WWC2: variants seen among roughly 807,000 people sequenced by gnomAD.
WWC2 encodes the protein protein WWC2.
WWC2 carries 101 observed loss-of-function variants against 138.5 expected under a neutral mutation model. The ratio of observed to expected loss-of-function variants is 0.73; its 90% CI spans 0.62 to 0.86. WWC2 has a LOEUF of 0.86. Among genes scored for constraint, WWC2 ranks in the 40% least tolerant of loss-of-function variants. WWC2 has a pLI of 0.00. For missense variants in WWC2, 1,420 were observed against 1,419.4 expected, an observed-to-expected ratio of 1.00 and a Z score of -0.01; for synonymous variants, 558 against 538.4, an observed-to-expected ratio of 1.04 and a Z score of -0.50.
chr4:183,133,421 G>A (rs545489208), intron 1 of WWC2, among the ~76,000 whole-genome samples: 1 of 152,080 alleles, frequency 6.6e-6, no homozygotes, highest in Non-Finnish European at 1.5e-5. Flanking sequence ...TGCCAGTTAA[G>A]TGTTCTGATT....
intron 21 of WWC2, among the ~76,000 whole-genome samples, chr4:183,294,168 G>A (rs1218586305): frequency 6.6e-6 from 1 of 152,082 alleles, no homozygotes. Flanking sequence ...TACAAAAACA[G>A]GGCAGGCCAT....
intron 1 of WWC2, among the ~76,000 whole-genome samples, chr4:183,113,134 G>T (rs1039714073): frequency 5.9e-5 from 9 of 151,852 alleles, no homozygotes; most frequent in Non-Finnish European, 1.2e-4. Flanking sequence ...TTAGCCAGGC[G>T]TGGGGTGCAT....
intron 1 of WWC2, among the ~76,000 whole-genome samples, chr4:183,176,376 T>C (rs1383943877): frequency 1.3e-5 from 2 of 152,174 alleles, no homozygotes; most frequent in African/African-American, 2.4e-5. Context: ...TCTTTCAGTT[T>C]GTCTTTTAGT....
chr4:183,128,058 A>G (rs1732812314), intron 1 of WWC2, among the ~76,000 whole-genome samples: 1 of 151,142 alleles, frequency 6.6e-6, no homozygotes, highest in Non-Finnish European at 1.5e-5. Context: ...AAAAAAAAAA[A>G]GGCCAGGTGC....
chr4:183,183,617 GA>G (rs1477176881), intron 1 of WWC2, among the ~76,000 whole-genome samples: 1 of 151,946 alleles, frequency 6.6e-6, no homozygotes, highest in Non-Finnish European at 1.5e-5. Flanking sequence ...GTCTACAACG[GA>G]AAAAAGACAT....
rs1454618557 is a variant in WWC2, at chr4:183,212,255, C to T, written c.522+3230C>T. ...TATGAAAAAGGTTTGTCTACACTTA[C>T]TGGAAGCAAACCTCTTTAGTTTGGA... On this transcript the variant is annotated intron_variant, in intron 4 of 22. Transcript: ENST00000403733. Among the ~76,000 whole-genome samples the T allele has an allele frequency of 2.0e-5, 3 of 152,282 alleles. No homozygotes were observed. In the East Asian group the frequency reaches 5.8e-4, roughly 29 times the overall value.
intron 1 of WWC2, among the ~76,000 whole-genome samples, chr4:183,188,200 A>G (rs189437291): frequency 6.6e-6 from 1 of 152,208 alleles, no homozygotes; most frequent in African/African-American, 2.4e-5. Flanking sequence ...TTAGGTAAAA[A>G]TGATCTTAGG....
At chr4:183,173,065 C>T (rs1215721629) in intron 1 of WWC2, among the ~76,000 whole-genome samples, 2 of 152,002 alleles carry the variant, frequency 1.3e-5, no homozygotes, top group Non-Finnish European at 2.9e-5. Flanking sequence ...CCTCTCCTCA[C>T]CCCACAGGGT....
chr4:183,265,187 G>A (rs1190536619), intron 12 of WWC2, 80 bp downstream of exon 12: 2 of 1,482,638 alleles, frequency 1.3e-6, no homozygotes, highest in Admixed American at 2.2e-5. Flanking sequence ...TAAATGGACT[G>A]CTACCATTAG....
chr4:183,130,056 C>CTTTT (rs534398108), intron 1 of WWC2, among the ~76,000 whole-genome samples: 3,305 of 139,748 alleles, frequency 0.024, 66 homozygotes, highest in Non-Finnish European at 0.036. Flanking sequence ...TCCTAAGTAT[C>CTTTT]TTTTTTTTTT....
chr4:183,107,199 C>T (rs1743394252), intron 1 of WWC2, among the ~76,000 whole-genome samples: 1 of 151,866 alleles, frequency 6.6e-6, no homozygotes, highest in South Asian at 2.1e-4. Flanking sequence ...TCTCTCTTGC[C>T]CAGGCTGGAG....
rs1268155122 is a variant in WWC2 at position 183,101,460 on chromosome 4, T to C, written c.131+1838T>C. Among the ~76,000 whole-genome samples the C allele has an allele frequency of 3.9e-5, 6 of 152,216 alleles. No individual in the cohort carries two copies. The East Asian group carries it at 1.2e-3, about 29-fold the overall frequency. ...AAATAGTTTTGACTAAGATAGCTTT[T>C]TATTTTTCCAATTTTCCTTGCAGCT... On this transcript the variant is annotated intron_variant, in intron 1 of 22. Coordinates refer to ENST00000403733, the MANE Select transcript of WWC2 (RefSeq NM_024949.6).
intron 1 of WWC2, among the ~76,000 whole-genome samples, chr4:183,192,017 G>A (rs1735006017): frequency 6.6e-6 from 1 of 152,176 alleles, no homozygotes; most frequent in Admixed American, 6.5e-5. Flanking sequence ...GAGCCACGGT[G>A]CCCAACCAGA....
rs140528796 is a variant in WWC2 at position 183,170,348 on chromosome 4, G to T, written c.132-23251G>T. ...ATAAACTAAAACATTCCATAGCCTT[G>T]CACAAACATGCTCTTCAGACACCTG... On this transcript the variant is annotated intron_variant, in intron 1 of 22. Coordinates refer to ENST00000403733, the MANE Select transcript of WWC2 (RefSeq NM_024949.6). 1.1e-3 allele frequency among the ~76,000 whole-genome samples: 162 copies of T among 152,298 alleles called. 1 individual carries two copies. The highest frequency in any genetic ancestry group is 3.5e-3 in the African/African-American group (144 of 41,578).
intron 9 of WWC2, among the ~76,000 whole-genome samples, chr4:183,256,477 T>C (rs1737144378): frequency 6.6e-6 from 1 of 152,190 alleles, no homozygotes; most frequent in Non-Finnish European, 1.5e-5. Context: ...CACCCTTTCG[T>C]GTCTTCCTCC....
intron 2 of WWC2, among the ~76,000 whole-genome samples, chr4:183,194,711 G>A (rs1454012350): frequency 1.3e-5 from 2 of 152,258 alleles, no homozygotes; most frequent in Non-Finnish European, 2.9e-5. Context: ...ATTATTAGCT[G>A]TGAGGCACCA....
chr4:183,119,376 A>T (rs947350681), intron 1 of WWC2, among the ~76,000 whole-genome samples: 1 of 152,152 alleles, frequency 6.6e-6, no homozygotes, highest in Non-Finnish European at 1.5e-5. Flanking sequence ...TATAGGACGA[A>T]GTGAAGAGAT....
At chr4:183,215,162 A>G (rs944196087) in intron 4 of WWC2, among the ~76,000 whole-genome samples, 5 of 152,250 alleles carry the variant, frequency 3.3e-5, no homozygotes, top group Admixed American at 2.0e-4. Flanking sequence ...TAAATTAGAC[A>G]TAGTAAGGGA....
At chr4:183,313,458 C>A (rs556436577) in intron 22 of WWC2, among the ~76,000 whole-genome samples, 1 of 151,924 alleles carries the variant, frequency 6.6e-6, no homozygotes, top group South Asian at 2.1e-4. Context: ...TGCCAGCGCT[C>A]GAGATGGAGA....
Sources: gnomAD v4.1 joint callset for allele counts (sites outside exome capture counted in the v4.1 genomes callset) on GRCh38, gnomAD v4.1.1 for gene constraint, MANE v1.5 for transcripts, NCBI Gene and HGNC (gene_info 2026-07-23, HGNC 2026-07-21) for gene names.